Variants in C8orf33 observed in about 807,000 individuals in gnomAD.
C8orf33 encodes UPF0488 protein C8orf33.
C8orf33 carries 28 observed loss-of-function variants against 25.7 expected under a neutral mutation model. That is an observed-to-expected ratio of 1.09 (90% CI 0.81 to 1.49). The LOEUF (loss-of-function observed/expected upper bound fraction) is 1.49. Among genes scored for constraint, C8orf33 ranks in the 40% most tolerant of loss-of-function variants. The pLI is 0.00. For synonymous variants in C8orf33, 153 were observed against 115.9 expected (o/e 1.32, Z -2.06); for missense variants, 369 against 294.4 (o/e 1.25, Z -1.85).
rs773945054 is a variant in C8orf33 at position 145,052,880 on chromosome 8, C to G, written c.301C>G (p.Leu101Val). 7 of 1,612,706 alleles carry G rather than the reference C, an allele frequency of 4.3e-6. No individual in the cohort carries two copies. The highest frequency in any genetic ancestry group is 2.7e-5 in the African/African-American group (2 of 74,884). ...SEKLAPEEVP[L>V]SAEAQAQQLA... The stretch of plus-strand genomic sequence containing the variant: ...GAAACTCGCCCCAGAAGAAGTTCCC[C>G]TAAGCGCTGAGGCCCAGGCAAGGGC... The change falls in exon 2 of 5, where the codon CTA (leucine) becomes GTA (valine). Residue 101 changes from leucine to valine, a missense_variant. Physicochemically the swap from Leu to Val is conservative, Grantham distance 32. Transcript: ENST00000331434.
Position 145,052,778 on chromosome 8 carries a change from G to A in C8orf33, c.199G>A (p.Ala67Thr), listed in dbSNP as rs1180516048. 1.9e-6 allele frequency: 3 copies of A among 1,614,078 alleles called. No individual in the cohort carries two copies. Among genetic ancestry groups the A allele is most frequent in the Non-Finnish European group, 2.5e-6 (3 of 1,180,052 alleles). ...CCCGTTGGGCGATGAAGGCGGCACA[G>A]CGTCGAAAAAACAAAAGAATAAGAA... ...AHPLGDEGGT[A>T]SKKQKNKKKT... is the part of the protein sequence containing the mutation. Residue 67 changes from alanine to threonine, a missense_variant, in exon 2 of 5, where the codon GCG becomes ACG. Physicochemically the swap from Ala to Thr is moderately conservative, Grantham distance 58 (BLOSUM62 0). Transcript: ENST00000331434.
chr8:145,052,861 C>G lies in C8orf33; in HGVS notation c.282C>G (p.Leu94=). The G allele has an allele frequency of 1.2e-6, 2 of 1,613,592 alleles. No individual in the cohort carries two copies. The highest frequency in any genetic ancestry group is 1.7e-6 in the Non-Finnish European group (2 of 1,179,894). ...ANGGEKASEK[L]APEEVPLSAE... is the part of the protein sequence containing the mutation. ...GAGGCGAGAAGGCCTCAGAGAAACT[C>G]GCCCCAGAAGAAGTTCCCCTAAGCG... Residue 94 remains leucine, a synonymous_variant, in exon 2 of 5, where the codon CTC becomes CTG. Coordinates refer to ENST00000331434, the MANE Select transcript of C8orf33 (RefSeq NM_023080.3).
chr8:145,054,031 C>T lies in C8orf33; in HGVS notation c.564C>T (p.Ala188=), dbSNP rs1835319722. Residue 188 remains alanine (A), a synonymous_variant, in exon 5 of 5, where the codon GCC becomes GCT. Transcript: ENST00000331434. The stretch of plus-strand genomic sequence containing the variant: ...TCTCCCCGACAGCTGCTTATTCAGC[C>T]CAGGTGCAACCTGTAGATGGAGCCA... The part of the protein sequence containing the change: ...LRALRAAAYS[A]QVQPVDGATR... 2 of 1,614,008 alleles carry T rather than the reference C, an allele frequency of 1.2e-6. No homozygotes were observed. Among genetic ancestry groups the T allele is most frequent in the African/African-American group, 1.3e-5 (1 of 74,996 alleles).
At position 145,053,074 on chromosome 8, in the gene C8orf33, G is replaced by A. The variant is rs140718033; in HGVS notation, c.331G>A (p.Ala111Thr). The A allele has an allele frequency of 1.0e-4, 167 of 1,614,040 alleles. No individual in the cohort carries two copies. Among genetic ancestry groups the A allele is most frequent in the Non-Finnish European group, 1.3e-4 (155 of 1,180,030 alleles). Residue 111 changes from alanine (A) to threonine (T), a missense_variant, in exon 3 of 5, where the codon GCC (alanine) becomes ACC (threonine). Ala to Thr is a moderately conservative substitution (Grantham distance 58). Transcript: ENST00000331434. The part of the protein sequence containing the change: ...LSAEAQAQQL[A>T]QELAWCVEQL... ...AAATCCATCACAGGCACAACAGTTGGCCCAGGAATTGGCTTGGTGTGTGGA... is the reference window on the plus strand; with the variant it reads ...AAATCCATCACAGGCACAACAGTTGACCCAGGAATTGGCTTGGTGTGTGGA...
rs772759337 is a variant in C8orf33 at position 145,052,699 on chromosome 8, T to C, written c.120T>C (p.Thr40=). The C allele has an allele frequency of 2.8e-5, 45 of 1,613,972 alleles. No individual in the cohort carries two copies. Among genetic ancestry groups the C allele is most frequent in the Non-Finnish European group, 3.1e-5 (37 of 1,180,038 alleles). The change falls in exon 2 of 5, where the codon ACT becomes ACC. Residue 40 remains threonine (T), a synonymous_variant. Transcript: ENST00000331434. ...TTTCCAGCGCCCGGAATCCTTCCAC[T>C]GTCTGTCTCTGCCCAGAGCAACCTA... The part of the protein sequence containing the change: ...GPVSSARNPS[T]VCLCPEQPTC...
At chr8:145,053,590 G>A in intron 4 of C8orf33, 147 bp downstream of exon 4, 1 of 769,256 alleles carries the variant, frequency 1.3e-6, no homozygotes, top group Non-Finnish European at 2.0e-6. Flanking sequence ...GAAACAGAAA[G>A]CGTGGACCTC....
rs772715022 is a variant in C8orf33 at position 145,053,061 on chromosome 8, G to T, written c.319-1G>T. On this transcript the variant is annotated splice_acceptor_variant, in intron 2 of 4. Transcript: ENST00000331434. LOFTEE classifies it high-confidence loss of function. ...CAGCCACTTCCCCAAATCCATCACA[G>T]GCACAACAGTTGGCCCAGGAATTGG... The T allele has an allele frequency of 6.2e-7, 1 of 1,614,172 alleles. No homozygotes were observed.
In C8orf33 at chr8:145,055,625, G is replaced by T. The variant is rs556591553; in HGVS notation, c.*1468G>T. On this transcript the variant is annotated 3_prime_UTR_variant, in exon 5 of 5. Transcript: ENST00000331434. ...CTTGTGGAGGGCCTGACATCAGTCA[G>T]GCCCGCCCGCAGTTATCCAGAGGCC... is the stretch of plus-strand genomic sequence containing the variant. The T allele has an allele frequency of 2.1e-4, 32 of 154,376 alleles. No individual in the cohort carries two copies. The highest frequency in any genetic ancestry group is 3.7e-4 in the Non-Finnish European group (26 of 69,568). The allele number at this position is 154,376 out of a possible 1,614,324, so 9.6% of individuals were successfully genotyped here. A position where few individuals can be genotyped will look rare whatever the true frequency, so the allele number is the denominator to read the frequency against.
At chr8:145,053,850 CT>C in intron 4 of C8orf33, 167 bp from the exon 5 acceptor site, 1 of 869,964 alleles carries the variant, frequency 1.1e-6, no homozygotes, top group South Asian at 1.6e-5. Flanking sequence ...TTGCAAACTA[CT>C]GAACCTCTCT....
In C8orf33 at chr8:145,053,328, G is replaced by T. The variant is rs1311513104; in HGVS notation, c.435G>T (p.Leu145=). 6.2e-7 allele frequency: 1 copy of T among 1,614,096 alleles called. No homozygotes were observed. Among genetic ancestry groups the T allele is most frequent in the African/African-American group, 1.3e-5 (1 of 74,932 alleles). The stretch of plus-strand genomic sequence containing the variant: ...AGGCTATTGGAGCAATCCGAACCCT[G>T]CGCAGCAAAAGAACGCCCTTGCCCC... The part of the protein sequence containing the change: ...KEQAIGAIRT[L]RSKRTPLPRK... The change falls in exon 4 of 5, where the codon CTG becomes CTT. Residue 145 remains leucine, a synonymous_variant. Transcript: ENST00000331434.
At position 145,054,034 on chromosome 8, in the gene C8orf33, G is replaced by A; in HGVS notation, c.567G>A (p.Gln189=). 1 of 1,614,084 alleles carries A rather than the reference G, an allele frequency of 6.2e-7. No individual in the cohort carries two copies. Among genetic ancestry groups the A allele is most frequent in the Non-Finnish European group, 8.5e-7 (1 of 1,180,016 alleles). Residue 189 remains glutamine, a synonymous_variant, in exon 5 of 5, where the codon CAG becomes CAA. Transcript: ENST00000331434. The stretch of plus-strand genomic sequence containing the variant: ...CCCCGACAGCTGCTTATTCAGCCCA[G>A]GTGCAACCTGTAGATGGAGCCACCA... ...RALRAAAYSA[Q]VQPVDGATRK... is the part of the protein sequence containing the mutation.
chr8:145,053,775 A>C (rs1041259502), intron 4 of C8orf33: 13 of 591,402 alleles, frequency 2.2e-5, no homozygotes, highest in Non-Finnish European at 3.6e-5. Flanking sequence ...GTTTGAGTGC[A>C]ATTCCTGGGG....
In C8orf33 at chr8:145,055,560, CT is replaced by C; in HGVS notation, c.*1406del. 1 of 166,482 alleles carries C rather than the reference CT, an allele frequency of 6.0e-6. No individual in the cohort carries two copies. Among genetic ancestry groups the C allele is most frequent in the Non-Finnish European group, 1.3e-5 (1 of 78,278 alleles). The allele number at this position is 166,482 out of a possible 1,614,324, so 10.3% of individuals were successfully genotyped here. ...TAGCAGACTGGGAAAAGGAGCCTCC[CT>C]TTCCCCGGGGGAGTTTAGAGAAGAC... On this transcript the variant is annotated 3_prime_UTR_variant, in exon 5 of 5. Transcript: ENST00000331434.
chr8:145,054,093 C>G lies in C8orf33; in HGVS notation c.626C>G (p.Ser209Cys), dbSNP rs7812316. 1,758 of 1,614,158 alleles carry G rather than the reference C, an allele frequency of 1.1e-3. 20 individuals are homozygous for G. In the African/African-American group the frequency reaches 0.021, roughly 19 times the overall value. Residue 209 changes from serine (S) to cysteine (C), a missense_variant, in exon 5 of 5, where the codon TCT (serine) becomes TGT (cysteine). Transcript: ENST00000331434. Reference protein sequence around the residue: ...KKSQRVCRPRSIWRAKATLDM... With the variant: ...KKSQRVCRPRCIWRAKATLDM... Reference sequence around the variant, plus strand: ...AGCCAAAGGGTCTGCAGGCCTCGCTCTATATGGAGAGCCAAAGCCACTCTG... The same window carrying G: ...AGCCAAAGGGTCTGCAGGCCTCGCTGTATATGGAGAGCCAAAGCCACTCTG...
At chr8:145,053,261 T>C (rs757003810) in intron 3 of C8orf33, 36 bp from the exon 4 acceptor site, 1 of 1,613,740 alleles carries the variant, frequency 6.2e-7, no homozygotes, top group East Asian at 2.2e-5. Context: ...AGGTCAGTAA[T>C]AGAGGTGTTC....
Position 145,054,139 on chromosome 8 carries a change from T to A in C8orf33, c.672T>A (p.Phe224Leu). The A allele has an allele frequency of 6.2e-7, 1 of 1,614,128 alleles. No individual in the cohort carries two copies. The highest frequency in any genetic ancestry group is 1.1e-5 in the South Asian group (1 of 91,084). The change falls in exon 5 of 5, where the codon TTT becomes TTA. Residue 224 changes from phenylalanine to leucine, a missense_variant. Coordinates refer to ENST00000331434, the MANE Select transcript of C8orf33 (RefSeq NM_023080.3). ...CTCTGGACATGCCTGATGAAGAGTT[T>A]AGGTTCAATTTCTTTTAGCGTCTCC... The part of the protein sequence containing the change: ...KATLDMPDEE[F>L]RFNFF
Position 145,052,677 on chromosome 8 carries a change from C to G in C8orf33, c.98C>G (p.Ser33Cys). Residue 33 changes from serine to cysteine, a missense_variant, in exon 2 of 5, where the codon TCC (serine) becomes TGC (cysteine). By Grantham distance (112) the Ser-to-Cys change is moderately radical (BLOSUM62 -1). Coordinates refer to ENST00000331434, the MANE Select transcript of C8orf33 (RefSeq NM_023080.3). ...GGAGCCCGGCTTCCCGGCCCAGTTT[C>G]CAGCGCCCGGAATCCTTCCACTGTC... ...SRGARLPGPV[S>C]SARNPSTVCL... 6.2e-7 allele frequency: 1 copy of G among 1,613,844 alleles called. No individual in the cohort carries two copies. The highest frequency in any genetic ancestry group is 8.5e-7 in the Non-Finnish European group (1 of 1,180,026).
At position 145,052,506 on chromosome 8, in the gene C8orf33, T is replaced by C. The variant is rs1835287586; in HGVS notation, c.6+9T>C. On this transcript the variant is annotated intron_variant, in intron 1 of 4. Transcript: ENST00000331434. Reference sequence around the variant, plus strand: ...GACTGCGGCGCATGGCGGTGAGCGGTGTGGAGAAGACGCGCGGGTGGCTGG... The same window carrying C: ...GACTGCGGCGCATGGCGGTGAGCGGCGTGGAGAAGACGCGCGGGTGGCTGG... The C allele has an allele frequency of 6.3e-7, 1 of 1,599,386 alleles. No homozygotes were observed. The highest frequency in any genetic ancestry group is 2.2e-5 in the East Asian group (1 of 44,840).
rs529293857 is a variant in C8orf33 at position 145,052,698 on chromosome 8, C to T, written c.119C>T (p.Thr40Ile). Residue 40 changes from threonine (T) to isoleucine (I), a missense_variant, in exon 2 of 5, where the codon ACT becomes ATT. Coordinates refer to ENST00000331434, the MANE Select transcript of C8orf33 (RefSeq NM_023080.3). ...GPVSSARNPS[T>I]VCLCPEQPTC... ...GTTTCCAGCGCCCGGAATCCTTCCA[C>T]TGTCTGTCTCTGCCCAGAGCAACCT... The T allele has an allele frequency of 3.1e-6, 5 of 1,614,146 alleles. No individual in the cohort carries two copies. In the African/African-American group the frequency reaches 4.0e-5, roughly 13 times the overall value.
Sources: allele counts gnomAD v4.1 joint callset, GRCh38; gene constraint gnomAD v4.1.1; transcripts MANE v1.5; gene names NCBI Gene and HGNC (gene_info 2026-07-23, HGNC 2026-07-21).